TENM4: variants seen among roughly 807,000 people sequenced by gnomAD.
The protein encoded by TENM4 is teneurin-4.
In TENM4, 82 loss-of-function variants were observed where a neutral mutation model predicts 243.3. That is an observed-to-expected ratio of 0.34 (90% CI 0.28 to 0.40). The LOEUF (loss-of-function observed/expected upper bound fraction) is 0.40. TENM4 is among the 10% of genes least tolerant of loss of function. TENM4 has a pLI of 1.00. For missense variants in TENM4, 3,138 were observed against 3,673.3 expected, an observed-to-expected ratio of 0.85 and a Z score of 3.77; for synonymous variants, 1,412 against 1,456.3, an observed-to-expected ratio of 0.97 and a Z score of 0.69.
chr11:79,094,521 C>T (rs1861032535), intron 4 of TENM4, among the ~76,000 whole-genome samples: 2 of 152,174 alleles, frequency 1.3e-5, no homozygotes, highest in African/African-American at 4.8e-5. Flanking sequence ...CCTCCCCTCA[C>T]TCCCTTGTGA....
chr11:78,959,775 A>G (rs895512159), intron 6 of TENM4, among the ~76,000 whole-genome samples: 2 of 152,186 alleles, frequency 1.3e-5, no homozygotes, highest in Admixed American at 6.5e-5. Flanking sequence ...CTGCACATCA[A>G]TAATGCAATA....
intron 2 of TENM4, among the ~76,000 whole-genome samples, chr11:79,270,824 C>T (rs1314321383): frequency 5.9e-5 from 9 of 152,204 alleles, no homozygotes; most frequent in South Asian, 2.1e-4. Context: ...CTCAACTATA[C>T]GGCCCCACGA....
At chr11:79,266,553 G>A (rs1029512220) in intron 2 of TENM4, among the ~76,000 whole-genome samples, 5 of 151,832 alleles carry the variant, frequency 3.3e-5, no homozygotes, top group Admixed American at 3.3e-4. Flanking sequence ...ACTGGTGTCA[G>A]TAGGCCCTTA....
At chr11:79,254,672 T>G (rs1855670392) in intron 2 of TENM4, among the ~76,000 whole-genome samples, 1 of 152,178 alleles carries the variant, frequency 6.6e-6, no homozygotes, top group Non-Finnish European at 1.5e-5. Flanking sequence ...TCACTTATAT[T>G]AAGTGCTGCA....
rs1414817113 is a variant in TENM4, at chr11:78,805,489, T to A, written c.1982A>T (p.Asp661Val). Residue 661 changes from aspartate (D) to valine (V), a missense_variant, in exon 15 of 34, where the codon GAC becomes GTC. Coordinates refer to ENST00000278550, the MANE Select transcript of TENM4 (RefSeq NM_001098816.3). Reference protein sequence around the residue: ...GYKGESCEEVDCMDPTCSGRG... With the variant: ...GYKGESCEEVVCMDPTCSGRG... ...GCCTGAACATGTGGGGTCCATGCAG[T>A]CCACTGTGAGATGGAGGAAGGAGAA... 2 of 1,575,082 alleles carry A rather than the reference T, an allele frequency of 1.3e-6. No individual in the cohort carries two copies. The highest frequency in any genetic ancestry group is 1.7e-6 in the Non-Finnish European group (2 of 1,160,096).
chr11:79,411,359 G>A (rs1858696173), intron 1 of TENM4, among the ~76,000 whole-genome samples: 1 of 152,148 alleles, frequency 6.6e-6, no homozygotes, highest in African/African-American at 2.4e-5. Context: ...AATGCCCTAG[G>A]CACTATCCCA....
At position 78,676,407 on chromosome 11, in the gene TENM4, C is replaced by G. The variant is rs1234381579; in HGVS notation, c.5261-20G>C. On this transcript the variant is annotated intron_variant, in intron 29 of 33. Coordinates refer to ENST00000278550, the MANE Select transcript of TENM4 (RefSeq NM_001098816.3). The stretch of plus-strand genomic sequence containing the variant: ...CTTGGTCTGCAGGAGAGGACAAGCA[C>G]AGACTGCTCAGAAGGAACGAAGGTG... The G allele has an allele frequency of 2.5e-6, 4 of 1,568,674 alleles. No homozygotes were observed. Among genetic ancestry groups the G allele is most frequent in the Non-Finnish European group, 3.5e-6 (4 of 1,147,640 alleles).
chr11:79,315,416 C>T (rs1332196658), intron 1 of TENM4, among the ~76,000 whole-genome samples: 1 of 152,228 alleles, frequency 6.6e-6, no homozygotes, highest in Non-Finnish European at 1.5e-5. Flanking sequence ...TCCTTTGCTT[C>T]CTCATCAACT....
intron 2 of TENM4, among the ~76,000 whole-genome samples, chr11:79,250,278 C>T (rs1484637828): frequency 2.6e-5 from 4 of 152,222 alleles, no homozygotes; most frequent in Non-Finnish European, 5.9e-5. Flanking sequence ...TGAGCCACCA[C>T]GCCTGGCCGG....
intron 3 of TENM4, among the ~76,000 whole-genome samples, chr11:79,205,035 C>CCCACA (rs1357977784): frequency 6.6e-6 from 1 of 152,178 alleles, no homozygotes; most frequent in Admixed American, 6.5e-5. Flanking sequence ...ATACTAAATT[C>CCCACA]CAGATACTTG....
At chr11:78,946,899 G>C (rs890020819) in intron 6 of TENM4, among the ~76,000 whole-genome samples, 2 of 152,200 alleles carry the variant, frequency 1.3e-5, no homozygotes, top group Non-Finnish European at 2.9e-5. Flanking sequence ...ATGAGGAGTT[G>C]CTTCTTATGG....
At chr11:78,852,024 G>A (rs1274362347) in intron 12 of TENM4, among the ~76,000 whole-genome samples, 4 of 152,298 alleles carry the variant, frequency 2.6e-5, no homozygotes, top group South Asian at 2.1e-4. Context: ...AGTTGCTGCC[G>A]CCAATCCTGC....
chr11:79,405,470 C>T (rs1195699645), intron 1 of TENM4, among the ~76,000 whole-genome samples: 2 of 142,018 alleles, frequency 1.4e-5, no homozygotes, highest in African/African-American at 5.4e-5. Flanking sequence ...TAGAAGAAGG[C>T]TTAGAATGTA....
At chr11:79,233,172 T>C (rs1454843078) in intron 2 of TENM4, among the ~76,000 whole-genome samples, 1 of 152,236 alleles carries the variant, frequency 6.6e-6, no homozygotes, top group Non-Finnish European at 1.5e-5. Context: ...TCCCAAACAA[T>C]GTTATTTACT....
At chr11:79,248,256 A>G (rs1855554070) in intron 2 of TENM4, among the ~76,000 whole-genome samples, 2 of 152,178 alleles carry the variant, frequency 1.3e-5, no homozygotes, top group South Asian at 4.1e-4. Flanking sequence ...ATACATACAG[A>G]GTGTTCACTC....
At chr11:78,723,139 T>G (rs1407809594) in intron 23 of TENM4, among the ~76,000 whole-genome samples, 1 of 152,206 alleles carries the variant, frequency 6.6e-6, no homozygotes, top group Non-Finnish European at 1.5e-5. Flanking sequence ...AGATAGACAC[T>G]ATTATTATCC....
At chr11:78,723,648 C>A (rs1855450711) in intron 23 of TENM4, among the ~76,000 whole-genome samples, 1 of 152,246 alleles carries the variant, frequency 6.6e-6, no homozygotes, top group South Asian at 2.1e-4. Context: ...AAAGCTTCTT[C>A]CCATATCCAT....
At chr11:78,892,036 G>A (rs1855679925) in intron 7 of TENM4, among the ~76,000 whole-genome samples, 1 of 152,192 alleles carries the variant, frequency 6.6e-6, no homozygotes, top group Non-Finnish European at 1.5e-5. Context: ...ACCATGGTCA[G>A]AGGATCATCG....
chr11:78,746,968 G>A (rs1348394743), intron 19 of TENM4, among the ~76,000 whole-genome samples: 1 of 152,168 alleles, frequency 6.6e-6, no homozygotes, highest in Non-Finnish European at 1.5e-5. Context: ...GCTTCACCAG[G>A]AAAGGGGAAA....
Sources: gnomAD v4.1 joint callset for allele counts (sites outside exome capture counted in the v4.1 genomes callset) on GRCh38, gnomAD v4.1.1 for gene constraint, MANE v1.5 for transcripts, NCBI Gene and HGNC (gene_info 2026-07-23, HGNC 2026-07-21) for gene names.